Variants in SPAG16 observed in about 807,000 individuals in gnomAD.
The protein encoded by SPAG16 is sperm-associated antigen 16 protein.
A neutral mutation model predicts 80.4 loss-of-function variants in SPAG16; 86 were observed. The observed-to-expected ratio is 1.07, with a 90% CI of 0.90 to 1.28. The LOEUF (loss-of-function observed/expected upper bound fraction) is 1.28. Among genes scored for constraint, SPAG16 ranks in the 50% most tolerant of loss-of-function variants. The pLI is 0.00. For synonymous variants in SPAG16, 294 were observed against 265.9 expected, an observed-to-expected ratio of 1.11 and a Z score of -1.03; for missense variants, 870 against 765.3, an observed-to-expected ratio of 1.14 and a Z score of -1.61.
chr2:213,505,516 T>C (rs1356384602), intron 10 of SPAG16, among the ~76,000 whole-genome samples: 1 of 152,126 alleles, frequency 6.6e-6, no homozygotes, highest in Non-Finnish European at 1.5e-5. Flanking sequence ...AGTTAGTATT[T>C]ATTTGGTTAG....
intron 12 of SPAG16, among the ~76,000 whole-genome samples, chr2:213,950,034 A>G (rs556189228): frequency 6.6e-6 from 1 of 152,334 alleles, no homozygotes; most frequent in South Asian, 2.1e-4. Context: ...ATCTGTAGTT[A>G]GGTGACATGA....
At chr2:214,278,549 G>A (rs1040446030) in intron 15 of SPAG16, among the ~76,000 whole-genome samples, 1 of 152,144 alleles carries the variant, frequency 6.6e-6, no homozygotes, top group East Asian at 1.9e-4. Context: ...GCTACTGTGG[G>A]ACTGATCTAG....
At chr2:213,687,521 C>T (rs1036470177) in intron 10 of SPAG16, among the ~76,000 whole-genome samples, 9 of 152,054 alleles carry the variant, frequency 5.9e-5, no homozygotes, top group Admixed American at 2.6e-4. Context: ...TGATATTCTT[C>T]CAGGTTATAA....
intron 10 of SPAG16, among the ~76,000 whole-genome samples, chr2:213,850,300 A>G (rs1312068406): frequency 6.6e-6 from 1 of 152,254 alleles, no homozygotes; most frequent in East Asian, 1.9e-4. Context: ...CAGGACCAGC[A>G]CTACTATAAC....
At chr2:213,727,227 G>C (rs2066807975) in intron 10 of SPAG16, among the ~76,000 whole-genome samples, 1 of 152,238 alleles carries the variant, frequency 6.6e-6, no homozygotes, top group East Asian at 1.9e-4. Context: ...TTAATCATTT[G>C]TGCTGGGCAT....
chr2:213,489,486 A>C (rs554678688), intron 9 of SPAG16, among the ~76,000 whole-genome samples: 1 of 152,150 alleles, frequency 6.6e-6, no homozygotes, highest in African/African-American at 2.4e-5. Flanking sequence ...CTGTGTCCTT[A>C]GATTTAAAAA....
intron 15 of SPAG16, among the ~76,000 whole-genome samples, chr2:214,262,506 C>G (rs11685344): frequency 6.6e-6 from 1 of 151,968 alleles, no homozygotes; most frequent in Admixed American, 6.6e-5. Context: ...CACAGACTAA[C>G]TAAAATAAAC....
At chr2:213,329,300 G>A (rs185515435) in intron 5 of SPAG16, among the ~76,000 whole-genome samples, 61 of 152,272 alleles carry the variant, frequency 4.0e-4, no homozygotes, top group African/African-American at 1.4e-3. Flanking sequence ...GGAAAGTTTG[G>A]ACCTCCCTAG....
intron 13 of SPAG16, among the ~76,000 whole-genome samples, chr2:214,052,693 T>C (rs544541590): frequency 6.1e-4 from 93 of 152,332 alleles, no homozygotes; most frequent in African/African-American, 1.8e-3. Flanking sequence ...CCAATTTTAA[T>C]TGCACTTTGG....
chr2:213,476,891 A>G (rs1043019513), intron 9 of SPAG16, among the ~76,000 whole-genome samples: 1 of 152,152 alleles, frequency 6.6e-6, no homozygotes, highest in Non-Finnish European at 1.5e-5. Context: ...CCTGTGACCA[A>G]AAGGAATAAG....
Position 213,867,997 on chromosome 2 carries a change from C to T in SPAG16, c.1214+5369C>T, listed in dbSNP as rs113521476. Among the ~76,000 whole-genome samples the T allele has an allele frequency of 4.0e-5, 6 of 148,378 alleles. 1 individual carries two copies. Among genetic ancestry groups the T allele is most frequent in the African/African-American group, 9.9e-5 (4 of 40,356 alleles). The stretch of plus-strand genomic sequence containing the variant: ...AAACTGTCAGCCACACAGTGGGCTA[C>T]GAAGGGAAGAGGCAATTGTGTTTTC... On this transcript the variant is annotated intron_variant, in intron 11 of 15. Transcript: ENST00000331683.
intron 8 of SPAG16, among the ~76,000 whole-genome samples, chr2:213,366,861 A>G (rs1421018535): frequency 6.6e-6 from 1 of 152,120 alleles, no homozygotes; most frequent in African/African-American, 2.4e-5. Context: ...ATACGTATAC[A>G]TGTGCCATAT....
intron 15 of SPAG16, among the ~76,000 whole-genome samples, chr2:214,285,578 G>A (rs1156471858): frequency 6.6e-6 from 1 of 152,138 alleles, no homozygotes; most frequent in Non-Finnish European, 1.5e-5. Flanking sequence ...GGAGGCCGAG[G>A]TGGGCAAATC....
chr2:213,637,397 T>G (rs1386054179), intron 10 of SPAG16, among the ~76,000 whole-genome samples: 1 of 152,208 alleles, frequency 6.6e-6, no homozygotes, highest in Non-Finnish European at 1.5e-5. Flanking sequence ...TGGTCTGTAG[T>G]TTTCTTTCTT....
chr2:213,527,096 G>C (rs1019630240), intron 10 of SPAG16, among the ~76,000 whole-genome samples: 1 of 152,180 alleles, frequency 6.6e-6, no homozygotes, highest in African/African-American at 2.4e-5. Context: ...CTCTGCCATG[G>C]ATCAATGTCT....
intron 11 of SPAG16, among the ~76,000 whole-genome samples, chr2:213,899,121 A>G (rs1352881897): frequency 6.6e-6 from 1 of 152,150 alleles, no homozygotes; most frequent in African/African-American, 2.4e-5. Flanking sequence ...TATTCAATAT[A>G]AATAGGCCAG....
At chr2:213,285,387 T>C (rs1327000557) in intron 1 of SPAG16, among the ~76,000 whole-genome samples, 1 of 152,162 alleles carries the variant, frequency 6.6e-6, no homozygotes, top group African/African-American at 2.4e-5. Context: ...GTTATATAGA[T>C]TAATTCCTAC....
chr2:213,356,302 G>T (rs1226327038), intron 7 of SPAG16, among the ~76,000 whole-genome samples: 1 of 152,132 alleles, frequency 6.6e-6, no homozygotes, highest in Non-Finnish European at 1.5e-5. Context: ...CTATTGATTG[G>T]AATAGTTTCA....
At chr2:214,340,281 G>A (rs773366710) in intron 15 of SPAG16, among the ~76,000 whole-genome samples, 6 of 152,084 alleles carry the variant, frequency 3.9e-5, no homozygotes, top group African/African-American at 7.2e-5. Context: ...GGGTACACAC[G>A]TATACATCCT....
Sources: gnomAD v4.1 joint callset for allele counts (sites outside exome capture counted in the v4.1 genomes callset) on GRCh38, gnomAD v4.1.1 for gene constraint, MANE v1.5 for transcripts, NCBI Gene and HGNC (gene_info 2026-07-23, HGNC 2026-07-21) for gene names.